Variants in ATR observed in about 807,000 individuals in gnomAD.
The protein encoded by ATR is ATR checkpoint kinase, also known as serine/threonine-protein kinase ATR.
Under a neutral mutation model 305.3 loss-of-function variants are expected in ATR, and 142 were observed. That is an observed-to-expected ratio of 0.47 (90% CI 0.41 to 0.53). The LOEUF is 0.53. Ranked by LOEUF, ATR falls within the 20% of genes least tolerant of loss-of-function variation. The pLI, the probability that ATR is intolerant of heterozygous loss-of-function variation, is 0.00. For synonymous variants in ATR, 1,050 were observed against 1,068.1 expected, an observed-to-expected ratio of 0.98 and a Z score of 0.33; for missense variants, 2,135 against 3,133.1, an observed-to-expected ratio of 0.68 and a Z score of 7.60.
At chr3:142,501,049 C>T (rs554104490) in intron 30 of ATR, among the ~76,000 whole-genome samples, 2 of 152,240 alleles carry the variant, frequency 1.3e-5, no homozygotes, top group South Asian at 2.1e-4. Flanking sequence ...CAGGCACAGT[C>T]AATATTTTAG....
chr3:142,468,336 T>C (rs534171069), intron 38 of ATR, among the ~76,000 whole-genome samples: 2 of 152,176 alleles, frequency 1.3e-5, no homozygotes, highest in Admixed American at 1.3e-4. Context: ...TGTGTTACAA[T>C]TGCAAGAAAA....
intron 21 of ATR, among the ~76,000 whole-genome samples, chr3:142,526,965 T>G (rs2033421243): frequency 6.6e-6 from 1 of 152,000 alleles, no homozygotes; most frequent in South Asian, 2.1e-4. Context: ...ATTTTTGTAT[T>G]TTTTGTAGAG....
intron 36 of ATR, among the ~76,000 whole-genome samples, chr3:142,482,036 G>C (rs77421614): frequency 6.6e-6 from 1 of 151,746 alleles, no homozygotes; most frequent in African/African-American, 2.4e-5. Context: ...ATGTTGCTCT[G>C]GCTGGTTTTG....
chr3:142,524,070 C>G lies in ATR; in HGVS notation c.4075G>C (p.Gly1359Arg), dbSNP rs1186854060. 1 of 1,614,032 alleles carries G rather than the reference C, an allele frequency of 6.2e-7. No homozygotes were observed. The highest frequency in any genetic ancestry group is 8.5e-7 in the Non-Finnish European group (1 of 1,180,020). ...QARLLCGECL[G>R]ELGAIDPGRL... ...CCTGGATCTATCGCCCCCAATTCCC[C>G]TAAACATTCCCCACAGAGCAACCGA... is the stretch of plus-strand genomic sequence containing the variant. Residue 1359 changes from glycine (G) to arginine (R), a missense_variant, in exon 22 of 47, where the codon GGG becomes CGG. Physicochemically the swap from Gly to Arg is moderately radical, Grantham distance 125 (BLOSUM62 -2). Around this residue, in one of 9 missense-constraint regions of ATR, gnomAD observed 530 missense variants for 766.8 expected, o/e 0.69. Transcript: ENST00000350721.
rs80094711 is a variant in ATR at position 142,513,299 on chromosome 3, A to G, written c.4641+202T>C. On this transcript the variant is annotated intron_variant, in intron 26 of 46. Coordinates refer to ENST00000350721, the MANE Select transcript of ATR (RefSeq NM_001184.4). ...AATAATTTTTGAAAATATGACTGGC[A>G]ACAAATTGGTAGCTAGAATATACAT... 0.018 allele frequency among the ~76,000 whole-genome samples: 2,727 copies of G among 152,352 alleles called. 29 individuals carry two copies. The highest frequency in any genetic ancestry group is 0.041 in the South Asian group (199 of 4,832).
At chr3:142,482,885 C>A (rs904796314) in intron 36 of ATR, among the ~76,000 whole-genome samples, 2 of 151,124 alleles carry the variant, frequency 1.3e-5, no homozygotes, top group Non-Finnish European at 2.9e-5. Context: ...CATTTTGCTA[C>A]CCTAATACCA....
chr3:142,535,498 T>G (rs2033824457), intron 20 of ATR, among the ~76,000 whole-genome samples: 2 of 152,154 alleles, frequency 1.3e-5, no homozygotes, highest in African/African-American at 4.8e-5. Flanking sequence ...TCCCTTAATT[T>G]ACAAAGGGCT....
chr3:142,545,203 G>T (rs1440843211), intron 16 of ATR, among the ~76,000 whole-genome samples: 2 of 152,076 alleles, frequency 1.3e-5, no homozygotes, highest in Non-Finnish European at 2.9e-5. Context: ...TAGCATGAAT[G>T]GAAGACACTA....
chr3:142,560,626 T>G (rs1230070551), intron 5 of ATR, among the ~76,000 whole-genome samples, 172 bp from the exon 6 acceptor site: 1 of 152,000 alleles, frequency 6.6e-6, no homozygotes, highest in Non-Finnish European at 1.5e-5. Flanking sequence ...AGTGGCGCCA[T>G]CTCGGCTCAC....
In ATR at chr3:142,554,968, G is replaced by A. The variant is rs563102696; in HGVS notation, c.2341+909C>T. 6.1e-4 allele frequency among the ~76,000 whole-genome samples: 92 copies of A among 151,704 alleles called. 3 individuals are homozygous for A. In the South Asian group the frequency reaches 0.019, roughly 31 times the overall value. On this transcript the variant is annotated intron_variant, in intron 10 of 46. Transcript: ENST00000350721. ...GAAAGAAGAAAGGCCGGGCATGGTG[G>A]CTCATGCCTGTAACCCCAGCACTTT...
intron 14 of ATR, among the ~76,000 whole-genome samples, 165 bp from the exon 15 acceptor site, chr3:142,549,838 C>T (rs1249069111): frequency 2.6e-5 from 4 of 152,198 alleles, no homozygotes; most frequent in Non-Finnish European, 5.9e-5. Flanking sequence ...TAATTTTATA[C>T]TTTATTATTC....
chr3:142,455,736 T>C (rs2070891482), intron 45 of ATR, among the ~76,000 whole-genome samples: 1 of 152,142 alleles, frequency 6.6e-6, no homozygotes, highest in South Asian at 2.1e-4. Context: ...ACAAAATAAC[T>C]GAAGACAGAT....
chr3:142,519,591 C>T, intron 24 of ATR, 78 bp downstream of exon 24: 3 of 1,240,026 alleles, frequency 2.4e-6, no homozygotes, highest in South Asian at 1.3e-5. Flanking sequence ...TGAGCCACTG[C>T]ACCCGGCCAA....
chr3:142,525,810 T>A (rs955129103), intron 21 of ATR, among the ~76,000 whole-genome samples: 1 of 152,190 alleles, frequency 6.6e-6, no homozygotes, highest in Non-Finnish European at 1.5e-5. Context: ...CCAACTCCCC[T>A]TCCCCTTTGG....
At chr3:142,499,573 C>T (rs967592260) in intron 31 of ATR, 54 bp downstream of exon 31, 83 of 1,532,302 alleles carry the variant, frequency 5.4e-5, no homozygotes, top group African/African-American at 8.2e-5. Context: ...GGATTACAGG[C>T]GTGAGCCACC....
chr3:142,560,593 C>T (rs914785309), intron 5 of ATR, 139 bp from the exon 6 acceptor site: 13 of 656,824 alleles, frequency 2.0e-5, no homozygotes, highest in Non-Finnish European at 3.2e-5. Context: ...CAGAGTCTCA[C>T]TCTGTCTCCC....
chr3:142,496,574 CAACTT>C lies in ATR; in HGVS notation c.5739-59_5739-55del, dbSNP rs536563901. The C allele has an allele frequency of 1.4e-4, 216 of 1,555,018 alleles. No homozygotes were observed. The African/African-American group carries it at 2.8e-3, about 20-fold the overall frequency. On this transcript the variant is annotated intron_variant, in intron 33 of 46. Coordinates refer to ENST00000350721, the MANE Select transcript of ATR (RefSeq NM_001184.4). ...AGAGACCATTGGTAAGTGTACACAA[CAACTT>C]AACTTAAAACAATTTAAATCTAGGT... is the stretch of plus-strand genomic sequence containing the variant.
intron 21 of ATR, among the ~76,000 whole-genome samples, chr3:142,533,546 C>T (rs1430846008): frequency 6.6e-6 from 1 of 152,158 alleles, no homozygotes; most frequent in Non-Finnish European, 1.5e-5. Flanking sequence ...ATTTCCTTCT[C>T]TCTTTATTCC....
intron 1 of ATR, among the ~76,000 whole-genome samples, chr3:142,577,904 C>T (rs151109142): frequency 4.7e-4 from 72 of 152,306 alleles, no homozygotes; most frequent in African/African-American, 1.5e-3. Context: ...CCTCTCCCTC[C>T]TTGTGGTAAG....
Sources: gnomAD v4.1 joint callset for allele counts (sites outside exome capture counted in the v4.1 genomes callset) on GRCh38, gnomAD v4.1.1 for gene constraint, gnomAD v4.1.1 regional missense constraint, MANE v1.5 for transcripts, NCBI Gene and HGNC (gene_info 2026-07-23, HGNC 2026-07-21) for gene names.